COLGALT2: variants seen among roughly 807,000 people sequenced by gnomAD.
COLGALT2 encodes the protein procollagen galactosyltransferase 2.
COLGALT2 carries 49 observed loss-of-function variants against 73.4 expected under a neutral mutation model. The observed-to-expected ratio is 0.67, with a 90% CI of 0.53 to 0.85. COLGALT2 has a LOEUF of 0.85. Among genes scored for constraint, COLGALT2 ranks in the 40% least tolerant of loss-of-function variants. The pLI is 0.00. For synonymous variants in COLGALT2, 295 were observed against 307.6 expected (o/e 0.96, Z 0.43); for missense variants, 722 against 790.2 (o/e 0.91, Z 1.03).
At chr1:184,023,961 A>C (rs1649253427) in intron 1 of COLGALT2, among the ~76,000 whole-genome samples, 1 of 152,198 alleles carries the variant, frequency 6.6e-6, no homozygotes. Flanking sequence ...TTTTATATAG[A>C]TATGAATCAT....
chr1:183,963,306 T>C (rs75412827), intron 6 of COLGALT2, among the ~76,000 whole-genome samples: 6,249 of 152,274 alleles, frequency 0.041, 457 homozygotes, highest in African/African-American at 0.14. Flanking sequence ...TTTTCATCTT[T>C]AATATGGGCA....
At chr1:183,973,305 A>C (rs1253009780) in intron 4 of COLGALT2, among the ~76,000 whole-genome samples, 1 of 152,064 alleles carries the variant, frequency 6.6e-6, no homozygotes, top group East Asian at 1.9e-4. Context: ...TAGTGTTCTT[A>C]TGTTAGTTTT....
At chr1:184,032,068 A>G (rs1217352482) in intron 1 of COLGALT2, among the ~76,000 whole-genome samples, 1 of 151,794 alleles carries the variant, frequency 6.6e-6, no homozygotes, top group Non-Finnish European at 1.5e-5. Flanking sequence ...TGATTTTTAC[A>G]TTTCTTGTAG....
intron 8 of COLGALT2, among the ~76,000 whole-genome samples, chr1:183,949,698 A>C (rs1670345416): frequency 6.6e-6 from 1 of 152,254 alleles, no homozygotes; most frequent in South Asian, 2.1e-4. Flanking sequence ...ATGACACTAA[A>C]ATTACTAGCA....
At position 183,975,269 on chromosome 1, in the gene COLGALT2, G is replaced by A. The variant is rs973452092; in HGVS notation, c.375-55C>T. On this transcript the variant is annotated intron_variant, in intron 2 of 11. Transcript: ENST00000361927. ...TGAGTGCCTACATGTACCAGGCTCT[G>A]TCCTAAATGTTTATATGTATTCATT... The A allele has an allele frequency of 3.7e-6, 4 of 1,070,736 alleles. No homozygotes were observed. In the African/African-American group the frequency reaches 6.3e-5, roughly 17 times the overall value. The allele number at this position is 1,070,736 out of a possible 1,614,324, so 66.3% of individuals were successfully genotyped here. A position where few individuals can be genotyped will look rare whatever the true frequency, so the allele number is the denominator to read the frequency against.
At chr1:184,014,304 G>A (rs1648928791) in intron 1 of COLGALT2, among the ~76,000 whole-genome samples, 1 of 152,184 alleles carries the variant, frequency 6.6e-6, no homozygotes, top group Admixed American at 6.5e-5. Context: ...TAGGAAGGTG[G>A]AACCATGGAT....
At chr1:183,939,252 C>A (rs563832978) in intron 11 of COLGALT2, among the ~76,000 whole-genome samples, 1 of 152,156 alleles carries the variant, frequency 6.6e-6, no homozygotes, top group African/African-American at 2.4e-5. Context: ...ACATTTCTGA[C>A]GTATTTGAAT....
downstream of COLGALT2, among the ~76,000 whole-genome samples, chr1:183,930,924 A>T (rs1160690931): frequency 6.6e-6 from 1 of 152,112 alleles, no homozygotes; most frequent in East Asian, 1.9e-4. Context: ...ATTATTTTAG[A>T]CTCACAATTT....
chr1:183,974,829 G>A (rs554319747), intron 3 of COLGALT2, among the ~76,000 whole-genome samples: 1 of 152,286 alleles, frequency 6.6e-6, no homozygotes, highest in Admixed American at 6.5e-5. Context: ...AAAATATGCA[G>A]AGTTCTTATG....
At chr1:183,958,912 C>T (rs191447135) in intron 6 of COLGALT2, among the ~76,000 whole-genome samples, 2 of 151,920 alleles carry the variant, frequency 1.3e-5, no homozygotes, top group African/African-American at 4.8e-5. Flanking sequence ...CCCTTGACCT[C>T]TTACCCCCAA....
intron 1 of COLGALT2, among the ~76,000 whole-genome samples, chr1:183,989,262 G>A (rs765351048): frequency 6.6e-6 from 1 of 152,240 alleles, no homozygotes; most frequent in Non-Finnish European, 1.5e-5. Context: ...CAGCAGAGGA[G>A]CTGGGTGGAG....
chr1:183,993,411 G>A (rs947802991), intron 1 of COLGALT2, among the ~76,000 whole-genome samples: 2 of 152,226 alleles, frequency 1.3e-5, no homozygotes, highest in Non-Finnish European at 2.9e-5. Context: ...GGCAACAGGT[G>A]AGTAATTCTT....
chr1:183,940,842 AG>A (rs1371726503), intron 10 of COLGALT2, 55 bp from the exon 11 acceptor site: 2 of 1,443,114 alleles, frequency 1.4e-6, no homozygotes, highest in Non-Finnish European at 2.0e-6. Flanking sequence ...TGCCATGATA[AG>A]GATGAAGCAC....
chr1:183,970,228 C>T (rs1264178193), intron 4 of COLGALT2, among the ~76,000 whole-genome samples: 2 of 152,196 alleles, frequency 1.3e-5, no homozygotes, highest in Admixed American at 1.3e-4. Flanking sequence ...AACCAATTTC[C>T]TTATTCCAAA....
At chr1:183,935,616 C>T (rs1458657031), downstream of COLGALT2, among the ~76,000 whole-genome samples, 2 of 152,152 alleles carry the variant, frequency 1.3e-5, no homozygotes, top group Admixed American at 1.3e-4. Context: ...CTTTCTGTAC[C>T]TTGGAATCCT....
Position 183,936,118 on chromosome 1 carries a change from T to A in COLGALT2, c.*2643A>T. On this transcript the variant is annotated 3_prime_UTR_variant, in exon 12 of 12. Transcript: ENST00000361927. ...ATCCCACGTTAGATCCCAAGAGAAATCCAGACAGGGTTTAGCCTCCAGAGG... is the reference window on the plus strand; with the variant it reads ...ATCCCACGTTAGATCCCAAGAGAAAACCAGACAGGGTTTAGCCTCCAGAGG... 1.0e-6 allele frequency: 1 copy of A among 985,580 alleles called. No homozygotes were observed. The highest frequency in any genetic ancestry group is 1.2e-6 in the Non-Finnish European group (1 of 830,142). 61.1% of individuals were successfully genotyped at this position (985,580 alleles called of 1,614,324 possible). A position where few individuals can be genotyped will look rare whatever the true frequency, so the allele number is the denominator to read the frequency against.
chr1:183,985,935 C>T (rs1223904087), intron 1 of COLGALT2, among the ~76,000 whole-genome samples: 1 of 152,170 alleles, frequency 6.6e-6, no homozygotes, highest in Non-Finnish European at 1.5e-5. Flanking sequence ...AAAGAAGACT[C>T]ACTGGTGTAG....
intron 1 of COLGALT2, among the ~76,000 whole-genome samples, chr1:183,999,547 T>A (rs1309352901): frequency 1.3e-5 from 2 of 152,126 alleles, no homozygotes; most frequent in Admixed American, 1.3e-4. Context: ...GATCTTTTCA[T>A]GAAATAATAT....
chr1:184,025,563 C>T (rs1404907943), intron 1 of COLGALT2, among the ~76,000 whole-genome samples: 1 of 152,156 alleles, frequency 6.6e-6, no homozygotes, highest in Non-Finnish European at 1.5e-5. Context: ...CATCTGTGTG[C>T]CAAAGGAAGG....
Sources: gnomAD v4.1 joint callset for allele counts (sites outside exome capture counted in the v4.1 genomes callset) on GRCh38, gnomAD v4.1.1 for gene constraint, MANE v1.5 for transcripts, NCBI Gene and HGNC (gene_info 2026-07-23, HGNC 2026-07-21) for gene names.